MTFR1L: variants seen among roughly 807,000 people sequenced by gnomAD.
MTFR1L encodes the protein mitochondrial fission regulator 1-like.
Under a neutral mutation model 27.9 loss-of-function variants are expected in MTFR1L, and 10 were observed. The observed-to-expected ratio is 0.36, with a 90% CI of 0.22 to 0.61. MTFR1L has a LOEUF of 0.61. Ranked by LOEUF, MTFR1L falls within the 20% of genes least tolerant of loss-of-function variation. The pLI, the probability that MTFR1L is intolerant of heterozygous loss-of-function variation, is 0.73. For missense variants in MTFR1L, 315 were observed against 363.7 expected, an observed-to-expected ratio of 0.87 and a Z score of 1.09; for synonymous variants, 151 against 139.4, an observed-to-expected ratio of 1.08 and a Z score of -0.58.
rs1553122898 is a variant in MTFR1L at position 25,832,163 on chromosome 1, A to G, written c.*137A>G. On this transcript the variant is annotated 3_prime_UTR_variant, in exon 7 of 7. Transcript: ENST00000374303. ...GCTGACAAGCTAGAGCTTGGACTGA[A>G]AGAGAAGAGCTGGATTATATATTTC... The G allele has an allele frequency of 6.4e-7, 1 of 1,555,884 alleles. No individual in the cohort carries two copies. The highest frequency in any genetic ancestry group is 8.7e-7 in the Non-Finnish European group (1 of 1,154,468).
chr1:25,826,458 G>A lies in MTFR1L; in HGVS notation c.239+47G>A. 1 of 1,604,944 alleles carries A rather than the reference G, an allele frequency of 6.2e-7. No homozygotes were observed. Among genetic ancestry groups the A allele is most frequent in the Non-Finnish European group, 8.5e-7 (1 of 1,171,694 alleles). ...CTGCTAAGGAATGGAGAACTTCCCAGAAGAGGTGGCAGGCAGCAAGGAGAG... is the reference window on the plus strand; with the variant it reads ...CTGCTAAGGAATGGAGAACTTCCCAAAAGAGGTGGCAGGCAGCAAGGAGAG... On this transcript the variant is annotated intron_variant, in intron 4 of 6. Coordinates refer to ENST00000374303, the MANE Select transcript of MTFR1L (RefSeq NM_001099625.2). This position sits in a 1 kb window ranked among gnomAD's most constrained non-coding sequence, Gnocchi z 4.1.
intron 3 of MTFR1L, among the ~76,000 whole-genome samples, chr1:25,825,479 G>A (rs2124476546): frequency 6.6e-6 from 1 of 152,210 alleles, no homozygotes; most frequent in East Asian, 1.9e-4. Flanking sequence ...CAACATGACT[G>A]AATCCTAATT....
chr1:25,831,958 C>G lies in MTFR1L; in HGVS notation c.811C>G (p.Leu271Val). ...ATTGAAGGAGGAAGACCCTGCTGTG[C>G]TTATCTCTGAGGTCCTAAGGAGGAA... ...SLLKEEDPAV[L>V]ISEVLRRKFA... Residue 271 changes from leucine to valine, a missense_variant, in exon 7 of 7, where the codon CTT (leucine) becomes GTT (valine). Physicochemically the swap from Leu to Val is conservative, Grantham distance 32. Transcript: ENST00000374303. 6.2e-7 allele frequency: 1 copy of G among 1,614,180 alleles called. No individual in the cohort carries two copies. Among genetic ancestry groups the G allele is most frequent in the South Asian group, 1.1e-5 (1 of 91,088 alleles).
chr1:25,828,880 AG>A (rs2048201960), intron 5 of MTFR1L, among the ~76,000 whole-genome samples: 1 of 152,210 alleles, frequency 6.6e-6, no homozygotes, highest in Non-Finnish European at 1.5e-5. Flanking sequence ...AGTTTTATGA[AG>A]AATTGTACTG....
rs1484180409 is a variant in MTFR1L, at chr1:25,826,383, G to A, written c.211G>A (p.Asp71Asn). 5 of 1,614,222 alleles carry A rather than the reference G, an allele frequency of 3.1e-6. No individual in the cohort carries two copies. The East Asian group carries it at 8.9e-5, about 29-fold the overall frequency. ...TLADIAWIAADEEETYARVRS... is the reference protein window; with the variant it reads ...TLADIAWIAANEEETYARVRS... ...GGCTGACATCGCCTGGATTGCTGCG[G>A]ATGAAGAGGAGACATATGCCCGGGT... The change falls in exon 4 of 7, where the codon GAT becomes AAT. Residue 71 changes from aspartate (D) to asparagine (N), a missense_variant. By Grantham distance (23) the Asp-to-Asn change is conservative. Coordinates refer to ENST00000374303, the MANE Select transcript of MTFR1L (RefSeq NM_001099625.2). The surrounding 1 kb of genome is among the most constrained non-coding windows in gnomAD (Gnocchi z 4.1).
chr1:25,826,227 C>T lies in MTFR1L; in HGVS notation c.130-75C>T, dbSNP rs2048165867. 7.7e-7 allele frequency: 1 copy of T among 1,300,412 alleles called. No homozygotes were observed. The allele number at this position is 1,300,412 out of a possible 1,614,324, so 80.6% of individuals were successfully genotyped here. ...ACACCCAGTGCCGGATTAGGTACCC[C>T]TCCTGTGTATTCTGCAGTTTCTGAT... On this transcript the variant is annotated intron_variant, in intron 3 of 6. Transcript: ENST00000374303. This position sits in a 1 kb window ranked among gnomAD's most constrained non-coding sequence, Gnocchi z 4.1.
rs2048259450 is a variant in MTFR1L, at chr1:25,832,502, C to T, written c.*476C>T. On this transcript the variant is annotated 3_prime_UTR_variant, in exon 7 of 7. Transcript: ENST00000374303. ...ACAGGGCACGGAAAATCTTATGCTG[C>T]TCCGTCATAAACCTACACCAATGCC... The T allele has an allele frequency of 1.4e-5, 4 of 287,682 alleles. No homozygotes were observed. Among genetic ancestry groups the T allele is most frequent in the Non-Finnish European group, 2.7e-5 (4 of 146,574 alleles). The allele number at this position is 287,682 out of a possible 1,614,324, so 17.8% of individuals were successfully genotyped here.
In MTFR1L at chr1:25,832,109, C is replaced by T. The variant is rs1391888370; in HGVS notation, c.*83C>T. On this transcript the variant is annotated 3_prime_UTR_variant, in exon 7 of 7. Coordinates refer to ENST00000374303, the MANE Select transcript of MTFR1L (RefSeq NM_001099625.2). ...TTCCTCACCGCAGATGTTTCTGCCT[C>T]TTAAGGATAGATCTTCTGCAACAGT... 3.7e-6 allele frequency: 6 copies of T among 1,607,144 alleles called. No individual in the cohort carries two copies. The East Asian group carries it at 1.3e-4, about 36-fold the overall frequency.
intron 1 of MTFR1L, 120 bp from the exon 2 acceptor site, chr1:25,822,899 G>T (rs1031185367): frequency 6.5e-6 from 5 of 772,368 alleles, no homozygotes; most frequent in African/African-American, 3.4e-5. Flanking sequence ...TCTTGGGCTG[G>T]TTTTCTCCCC....
chr1:25,820,655 C>T (rs2048076257), intron 1 of MTFR1L: 2 of 423,092 alleles, frequency 4.7e-6, no homozygotes, highest in Middle Eastern at 3.5e-4. Flanking sequence ...CTGCGGGGCG[C>T]AGAGGTGACA....
intron 1 of MTFR1L, chr1:25,821,117 CG>C (rs1193949662): frequency 1.3e-5 from 3 of 225,394 alleles, no homozygotes; most frequent in Non-Finnish European, 2.7e-5. Context: ...GGTCTAGAGA[CG>C]GCAGAGAAAG....
rs1300948388 is a variant in MTFR1L at position 25,832,695 on chromosome 1, C to T, written c.*669C>T. On this transcript the variant is annotated 3_prime_UTR_variant, in exon 7 of 7. Transcript: ENST00000374303. ...CACGGCCCTGAGGCCTTATCAGTTC[C>T]ACTGATTAAAAACTTTCTCTTCCAC... 1 of 156,982 alleles carries T rather than the reference C, an allele frequency of 6.4e-6. No individual in the cohort carries two copies. Among genetic ancestry groups the T allele is most frequent in the Non-Finnish European group, 1.4e-5 (1 of 70,430 alleles). The allele number at this position is 156,982 out of a possible 1,614,324, so 9.7% of individuals were successfully genotyped here. A position where few individuals can be genotyped will look rare whatever the true frequency, so the allele number is the denominator to read the frequency against.
chr1:25,821,632 G>A (rs570257954), intron 1 of MTFR1L: 1 of 152,390 alleles, frequency 6.6e-6, no homozygotes, highest in Admixed American at 6.5e-5. Flanking sequence ...GCCTGTCCAG[G>A]GCTCCCCAGT....
At chr1:25,820,076 A>C (rs917199832) in intron 1 of MTFR1L, 47 bp downstream of exon 1, 4 of 415,816 alleles carry the variant, frequency 9.6e-6, no homozygotes, top group African/African-American at 8.6e-5. Flanking sequence ...GCGACCTTCC[A>C]GCCCGTTAGT....
intron 5 of MTFR1L, 22 bp from the exon 6 acceptor site, chr1:25,829,487 T>C (rs2048208805): frequency 3.1e-6 from 5 of 1,605,304 alleles, no homozygotes; most frequent in Non-Finnish European, 4.3e-6. Flanking sequence ...TGTCCACCCA[T>C]GCCTATTGTT....
chr1:25,820,184 G>T (rs546177087), intron 1 of MTFR1L, 155 bp downstream of exon 1: 6 of 454,012 alleles, frequency 1.3e-5, no homozygotes, highest in Admixed American at 1.2e-4. Context: ...ACTTGGCCCG[G>T]GGGAAACTGA....
intron 6 of MTFR1L, among the ~76,000 whole-genome samples, chr1:25,831,255 A>G (rs1376790536): frequency 6.6e-6 from 1 of 152,164 alleles, no homozygotes; most frequent in African/African-American, 2.4e-5. Flanking sequence ...CACCTTCATG[A>G]TGAATGTATA....
chr1:25,823,129 G>A lies in MTFR1L; in HGVS notation c.24+1G>A. 6.2e-7 allele frequency: 1 copy of A among 1,614,112 alleles called. No individual in the cohort carries two copies. The highest frequency in any genetic ancestry group is 8.5e-7 in the Non-Finnish European group (1 of 1,179,944). On this transcript the variant is annotated splice_donor_variant, in intron 2 of 6. Coordinates refer to ENST00000374303, the MANE Select transcript of MTFR1L (RefSeq NM_001099625.2). LOFTEE classifies it high-confidence loss of function. ...AATGTCAGGAATGGAAGCCACTGTG[G>A]TAAGGGGCATTCCCAGGGCAGGGGT...
intron 1 of MTFR1L, 43 bp from the exon 2 acceptor site, chr1:25,822,976 G>A: frequency 6.5e-7 from 1 of 1,544,744 alleles, no homozygotes; most frequent in Non-Finnish European, 8.9e-7. Context: ...AATCCCCACT[G>A]TGGGGGGTTG....
Sources: gnomAD v4.1 joint callset for allele counts (sites outside exome capture counted in the v4.1 genomes callset) on GRCh38, gnomAD v4.1.1 for gene constraint, Gnocchi (gnomAD v3.1) non-coding constraint, MANE v1.5 for transcripts, NCBI Gene and HGNC (gene_info 2026-07-23, HGNC 2026-07-21) for gene names.